Variants in KCTD10 observed in about 807,000 individuals in gnomAD.
The protein encoded by KCTD10 is BTB/POZ domain-containing adapter for CUL3-mediated RhoA degradation protein 3.
Under a neutral mutation model 34.6 loss-of-function variants are expected in KCTD10, and 13 were observed. The observed-to-expected ratio is 0.38, with a 90% CI of 0.24 to 0.60. The LOEUF is 0.60. KCTD10 is among the 20% of genes least tolerant of loss of function. The pLI, the probability that KCTD10 is intolerant of heterozygous loss-of-function variation, is 0.66. For missense variants in KCTD10, 256 were observed against 420.3 expected (o/e 0.61, Z 3.42); for synonymous variants, 156 against 168.8 (o/e 0.92, Z 0.59).
intron 6 of KCTD10, among the ~76,000 whole-genome samples, chr12:109,454,906 T>A (rs778983119): frequency 9.9e-5 from 15 of 152,164 alleles, no homozygotes; most frequent in Non-Finnish European, 2.1e-4. Flanking sequence ...AAATGAGAAG[T>A]CTTAATCTTT....
chr12:109,461,249 CA>C (rs779931178), intron 2 of KCTD10, among the ~76,000 whole-genome samples: 2 of 152,182 alleles, frequency 1.3e-5, no homozygotes, highest in Non-Finnish European at 2.9e-5. Context: ...GTCACATTAA[CA>C]GAGCCATTTC....
chr12:109,454,607 T>C (rs926136454), intron 6 of KCTD10, among the ~76,000 whole-genome samples: 3 of 152,118 alleles, frequency 2.0e-5, no homozygotes, highest in Non-Finnish European at 4.4e-5. Context: ...CATGCACCTG[T>C]GGACCCAGCT....
Position 109,460,829 on chromosome 12 carries a change from T to C in KCTD10, c.218-24A>G. 6.2e-7 allele frequency: 1 copy of C among 1,610,454 alleles called. No individual in the cohort carries two copies. Among genetic ancestry groups the C allele is most frequent in the Non-Finnish European group, 8.5e-7 (1 of 1,177,520 alleles). ...GCCTGCAGAGGGAGGAGGCAGGGGC[T>C]GGTTACATGGGCCCTCCTCTTGTGG... On this transcript the variant is annotated intron_variant, in intron 2 of 6. Transcript: ENST00000228495. This position sits in a 1 kb window ranked among gnomAD's most constrained non-coding sequence, Gnocchi z 4.5.
Position 109,451,905 on chromosome 12 carries a change from G to A in KCTD10, c.724-92C>T. Reference sequence around the variant, plus strand: ...AAGCAGGGCCGCCAGGCTAAATCAGGCCCCTGGGATTCTGCTGAAGGCCAC... The same window carrying A: ...AAGCAGGGCCGCCAGGCTAAATCAGACCCCTGGGATTCTGCTGAAGGCCAC... On this transcript the variant is annotated intron_variant, in intron 6 of 6. Coordinates refer to ENST00000228495, the MANE Select transcript of KCTD10 (RefSeq NM_031954.5). This position sits in a 1 kb window ranked among gnomAD's most constrained non-coding sequence, Gnocchi z 5.0. 9.2e-7 allele frequency: 1 copy of A among 1,092,158 alleles called. No individual in the cohort carries two copies. Among genetic ancestry groups the A allele is most frequent in the Non-Finnish European group, 1.3e-6 (1 of 785,258 alleles). The allele number at this position is 1,092,158 out of a possible 1,614,324, so 67.7% of individuals were successfully genotyped here.
At position 109,449,432 on chromosome 12, in the gene KCTD10, TAA is replaced by T. The variant is rs1491403661; in HGVS notation, c.*2161_*2162del. The T allele has an allele frequency of 6.6e-6, 1 of 151,858 alleles. No individual in the cohort carries two copies. Among genetic ancestry groups the T allele is most frequent in the Non-Finnish European group, 1.5e-5 (1 of 68,030 alleles). The allele number at this position is 151,858 out of a possible 1,614,324, so 9.4% of individuals were successfully genotyped here. On this transcript the variant is annotated 3_prime_UTR_variant, in exon 7 of 7. Transcript: ENST00000228495. ...CAAACTCATTCTTCACACAAACATTTAAAACACTATGCAGCCAGGTGTGGTGA... is the reference window on the plus strand; with the variant it reads ...CAAACTCATTCTTCACACAAACATTTAACACTATGCAGCCAGGTGTGGTGA...
In KCTD10 at chr12:109,469,568, G is replaced by A; in HGVS notation, c.164C>T (p.Thr55Ile). 6.2e-7 allele frequency: 1 copy of A among 1,614,230 alleles called. No individual in the cohort carries two copies. Among genetic ancestry groups the A allele is most frequent in the South Asian group, 1.1e-5 (1 of 91,090 alleles). Residue 55 changes from threonine (T) to isoleucine (I), a missense_variant, in exon 2 of 7, where the codon ACC (threonine) becomes ATC (isoleucine). Thr to Ile is a moderately conservative substitution (Grantham distance 89, BLOSUM62 -1). Transcript: ENST00000228495. Reference sequence around the variant, plus strand: ...CCCGCTGAACATGGCCTTCAGCATGGTGTCCTGCTTGGTCAGCGTCTGCAT... The same window carrying A: ...CCCGCTGAACATGGCCTTCAGCATGATGTCCTGCTTGGTCAGCGTCTGCAT... ...TTMQTLTKQD[T>I]MLKAMFSGRM... is the part of the protein sequence containing the mutation.
At chr12:109,469,182 G>A in intron 2 of KCTD10, 1 of 304,626 alleles carries the variant, frequency 3.3e-6, no homozygotes, top group South Asian at 4.5e-5. Context: ...TACTAATGGG[G>A]AGCTGAGACT....
At chr12:109,455,991 T>A (rs1872997534) in intron 6 of KCTD10, 127 bp downstream of exon 6, 3 of 901,708 alleles carry the variant, frequency 3.3e-6, no homozygotes. Context: ...ATTTTAAGGA[T>A]GAGCAATCAC....
In KCTD10 at chr12:109,460,168, G is replaced by A. The variant is rs993563216; in HGVS notation, c.387+468C>T. On this transcript the variant is annotated intron_variant, in intron 3 of 6. Coordinates refer to ENST00000228495, the MANE Select transcript of KCTD10 (RefSeq NM_031954.5). This position sits in a 1 kb window ranked among gnomAD's most constrained non-coding sequence, Gnocchi z 4.5. ...GCAACTTTGTTTGAAATAAAGGGGT[G>A]TTGGCCATGTCTAGAAGCATTTTGT... 1.3e-5 allele frequency among the ~76,000 whole-genome samples: 2 copies of A among 152,338 alleles called. No individual in the cohort carries two copies. Among genetic ancestry groups the A allele is most frequent in the Admixed American group, 6.5e-5 (1 of 15,304 alleles).
At chr12:109,463,963 T>C (rs532980666) in intron 2 of KCTD10, among the ~76,000 whole-genome samples, 33 of 151,956 alleles carry the variant, frequency 2.2e-4, no homozygotes, top group African/African-American at 6.3e-4. Flanking sequence ...CAGGATGGAG[T>C]TGGTGTTGCT....
chr12:109,461,560 T>C (rs1792826845), intron 2 of KCTD10, among the ~76,000 whole-genome samples: 1 of 152,186 alleles, frequency 6.6e-6, no homozygotes, highest in Non-Finnish European at 1.5e-5. Context: ...TCAATGTCCT[T>C]TCTAATCTTG....
In KCTD10 at chr12:109,448,871, A is replaced by T. The variant is rs1468623105; in HGVS notation, c.*2724T>A. The T allele has an allele frequency of 6.6e-6, 1 of 152,196 alleles. No individual in the cohort carries two copies. The highest frequency in any genetic ancestry group is 1.5e-5 in the Non-Finnish European group (1 of 68,036). The allele number at this position is 152,196 out of a possible 1,614,324, so 9.4% of individuals were successfully genotyped here. A position where few individuals can be genotyped will look rare whatever the true frequency, so the allele number is the denominator to read the frequency against. ...CACTTGGGTCCTGAATCGCTGTTGT[A>T]AGGTACAGAGACACACTTTAACTGG... On this transcript the variant is annotated 3_prime_UTR_variant, in exon 7 of 7. Transcript: ENST00000228495.
In KCTD10 at chr12:109,460,727, G is replaced by A; in HGVS notation, c.296C>T (p.Pro99Leu). The change falls in exon 3 of 7, where the codon CCC becomes CTC. Residue 99 changes from proline to leucine, a missense_variant. By Grantham distance (98) the Pro-to-Leu change is moderately conservative. This residue lies in a region of KCTD10 where 155 missense variants were observed against 207.0 expected (regional missense o/e 0.75). Transcript: ENST00000228495. The surrounding 1 kb of genome is among the most constrained non-coding windows in gnomAD (Gnocchi z 4.5). ...CTCCTCGATCTCCCGGCGGCTCTCG[G>A]GTAAAGGCACCGCCCCGTCTCGAAG... The part of the protein sequence containing the change: ...NYLRDGAVPL[P>L]ESRREIEELL... 3 of 1,614,150 alleles carry A rather than the reference G, an allele frequency of 1.9e-6. No individual in the cohort carries two copies. The highest frequency in any genetic ancestry group is 2.5e-6 in the Non-Finnish European group (3 of 1,180,008).
At chr12:109,461,890 G>C (rs1873347590) in intron 2 of KCTD10, among the ~76,000 whole-genome samples, 1 of 152,334 alleles carries the variant, frequency 6.6e-6, no homozygotes, top group East Asian at 1.9e-4. Flanking sequence ...CCGTGAGAAG[G>C]CTTCAGTAGG....
chr12:109,458,171 T>C, intron 3 of KCTD10, 93 bp from the exon 4 acceptor site: 1 of 922,868 alleles, frequency 1.1e-6, no homozygotes, highest in Non-Finnish European at 1.8e-6. Context: ...CGAGGGGAGA[T>C]GGGGCAGTCA....
In KCTD10 at chr12:109,448,901, T is replaced by TG. The variant is rs1872617243; in HGVS notation, c.*2693dup. 6.6e-6 allele frequency: 1 copy of TG among 152,166 alleles called. No individual in the cohort carries two copies. 9.4% of individuals were successfully genotyped at this position (152,166 alleles called of 1,614,324 possible). On this transcript the variant is annotated 3_prime_UTR_variant, in exon 7 of 7. Coordinates refer to ENST00000228495, the MANE Select transcript of KCTD10 (RefSeq NM_031954.5). Reference sequence around the variant, plus strand: ...ACAGAGACACACTTTAACTGGGGAATGGGGTCCCCACACAGTGATCGCCCC... The same window carrying TG: ...ACAGAGACACACTTTAACTGGGGAATGGGGGTCCCCACACAGTGATCGCCCC...
intron 2 of KCTD10, among the ~76,000 whole-genome samples, chr12:109,467,936 C>G (rs932068493): frequency 6.6e-6 from 1 of 152,184 alleles, no homozygotes; most frequent in Admixed American, 6.5e-5. Flanking sequence ...AGGAGAAGAG[C>G]CTCAGCTTTC....
chr12:109,470,162 G>A (rs755134591), intron 1 of KCTD10: 166 of 997,084 alleles, frequency 1.7e-4, no homozygotes, highest in Non-Finnish European at 1.9e-4. Context: ...CTAAAGCACT[G>A]CCCAGGTCTC....
At position 109,460,900 on chromosome 12, in the gene KCTD10, C is replaced by T; in HGVS notation, c.218-95G>A. ...GGTGTCTCTCGGCTCCCTCTACCTCCCAGCGGAGAGCGGGACTGCCTGGAG... is the reference window on the plus strand; with the variant it reads ...GGTGTCTCTCGGCTCCCTCTACCTCTCAGCGGAGAGCGGGACTGCCTGGAG... On this transcript the variant is annotated intron_variant, in intron 2 of 6. Coordinates refer to ENST00000228495, the MANE Select transcript of KCTD10 (RefSeq NM_031954.5). The surrounding 1 kb of genome is among the most constrained non-coding windows in gnomAD (Gnocchi z 4.5). 7.8e-7 allele frequency: 1 copy of T among 1,285,948 alleles called. No individual in the cohort carries two copies. The highest frequency in any genetic ancestry group is 1.1e-6 in the Non-Finnish European group (1 of 919,916). 79.7% of individuals were successfully genotyped at this position (1,285,948 alleles called of 1,614,324 possible). A position where few individuals can be genotyped will look rare whatever the true frequency, so the allele number is the denominator to read the frequency against.
Sources: allele counts gnomAD v4.1 joint callset (sites outside exome capture counted in the v4.1 genomes callset), GRCh38; gene constraint gnomAD v4.1.1; regional missense constraint gnomAD v4.1.1; non-coding constraint Gnocchi (gnomAD v3.1); transcripts MANE v1.5; gene names NCBI Gene and HGNC (gene_info 2026-07-23, HGNC 2026-07-21).